Variants in PLPP1 observed in about 807,000 individuals in gnomAD.
The protein encoded by PLPP1 is lipid phosphate phosphohydrolase 1a.
PLPP1 carries 24 observed loss-of-function variants against 31.2 expected under a neutral mutation model. The ratio of observed to expected loss-of-function variants is 0.77; its 90% CI spans 0.56 to 1.08. PLPP1 has a LOEUF of 1.08. Ranked by LOEUF, PLPP1 falls within the 50% of genes least tolerant of loss-of-function variation. The pLI, the probability that PLPP1 is intolerant of heterozygous loss-of-function variation, is 0.00. For missense variants in PLPP1, 319 were observed against 342.7 expected (o/e 0.93, Z 0.55); for synonymous variants, 146 against 126.3 (o/e 1.16, Z -1.05).
chr5:55,487,402 G>A (rs1348812246), intron 1 of PLPP1, among the ~76,000 whole-genome samples: 6 of 149,424 alleles, frequency 4.0e-5, no homozygotes, highest in Non-Finnish European at 8.9e-5. Context: ...AAAAAGTCTG[G>A]TGTCAAATCT....
At chr5:55,432,426 C>CAATAATA (rs1751380801) in intron 4 of PLPP1, among the ~76,000 whole-genome samples, 1 of 152,048 alleles carries the variant, frequency 6.6e-6, no homozygotes, top group Non-Finnish European at 1.5e-5. Context: ...AATCCAGGAC[C>CAATAATA]AAATGGCTTT....
At chr5:55,493,701 C>T (rs547617982) in intron 1 of PLPP1, among the ~76,000 whole-genome samples, 1 of 152,134 alleles carries the variant, frequency 6.6e-6, no homozygotes, top group Non-Finnish European at 1.5e-5. Context: ...TCCTGGCTAA[C>T]ACAGTGAAAC....
intron 1 of PLPP1, among the ~76,000 whole-genome samples, chr5:55,533,985 GTCTGGGGTACCGCA>G (rs1306772141): frequency 6.6e-6 from 1 of 152,136 alleles, no homozygotes; most frequent in Non-Finnish European, 1.5e-5. Context: ...AAGGAAACAG[GTCTGGGGTACCGCA>G]TCCTCCCCCA....
chr5:55,452,269 T>C (rs543940234), intron 3 of PLPP1, among the ~76,000 whole-genome samples: 7 of 152,248 alleles, frequency 4.6e-5, no homozygotes, highest in African/African-American at 1.4e-4. Context: ...ATCCCCTTGG[T>C]GATGAGTGAG....
intron 3 of PLPP1, among the ~76,000 whole-genome samples, chr5:55,463,553 C>G (rs1246053888): frequency 1.3e-5 from 2 of 151,574 alleles, no homozygotes; most frequent in Non-Finnish European, 2.9e-5. Flanking sequence ...CCCAGCTACT[C>G]AAGACGCTGA....
At chr5:55,517,947 A>T (rs1467827907) in intron 1 of PLPP1, among the ~76,000 whole-genome samples, 1 of 152,216 alleles carries the variant, frequency 6.6e-6, no homozygotes, top group African/African-American at 2.4e-5. Flanking sequence ...TCCCAGTACA[A>T]GTCATTCTCC....
chr5:55,493,531 C>A (rs1254913850), intron 1 of PLPP1, among the ~76,000 whole-genome samples: 1 of 151,832 alleles, frequency 6.6e-6, no homozygotes, highest in Non-Finnish European at 1.5e-5. Context: ...TCACTTGAGG[C>A]CAGAAGTTCA....
chr5:55,485,640 A>C (rs564661416), intron 1 of PLPP1, among the ~76,000 whole-genome samples: 5 of 152,320 alleles, frequency 3.3e-5, no homozygotes, highest in African/African-American at 7.2e-5. Context: ...AAATAAAAAT[A>C]GGCTTCCTTA....
chr5:55,513,852 G>T (rs528171462), intron 1 of PLPP1, among the ~76,000 whole-genome samples: 83 of 152,122 alleles, frequency 5.5e-4, no homozygotes, highest in African/African-American at 1.9e-3. Context: ...CTTAAACATA[G>T]GAGGTCAAGG....
At chr5:55,490,152 T>TC (rs1752857808) in intron 1 of PLPP1, among the ~76,000 whole-genome samples, 1 of 143,690 alleles carries the variant, frequency 7.0e-6, no homozygotes, top group Non-Finnish European at 1.5e-5. Flanking sequence ...TTCTTTTTTT[T>TC]TTTTTTTTTT....
intron 3 of PLPP1, among the ~76,000 whole-genome samples, chr5:55,447,464 G>C (rs1751791082): frequency 1.3e-5 from 2 of 152,162 alleles, no homozygotes; most frequent in South Asian, 4.1e-4. Context: ...ACTTATAATT[G>C]TTACAAGTTA....
intron 1 of PLPP1, among the ~76,000 whole-genome samples, chr5:55,531,425 T>C (rs1358441105): frequency 1.3e-5 from 2 of 152,222 alleles, no homozygotes; most frequent in African/African-American, 4.8e-5. Flanking sequence ...TATAAAGTAG[T>C]TGTACAACAG....
chr5:55,440,482 A>G (rs1446958848), intron 4 of PLPP1, among the ~76,000 whole-genome samples: 1 of 152,264 alleles, frequency 6.6e-6, no homozygotes, highest in Non-Finnish European at 1.5e-5. Flanking sequence ...AGATGTCAGA[A>G]TAGTATTTTC....
At chr5:55,503,735 T>C (rs13157042) in intron 1 of PLPP1, among the ~76,000 whole-genome samples, 126,260 of 144,930 alleles carry the variant, frequency 0.87, 55,103 homozygotes, top group South Asian at 0.92. Flanking sequence ...GCAGAGGTCG[T>C]GCCACTGCAC....
At chr5:55,457,652 A>T (rs1752046767) in intron 3 of PLPP1, among the ~76,000 whole-genome samples, 1 of 152,208 alleles carries the variant, frequency 6.6e-6, no homozygotes, top group Non-Finnish European at 1.5e-5. Flanking sequence ...GCACTCTGGG[A>T]GGCCAAGGTG....
chr5:55,461,088 T>C (rs6450310), intron 3 of PLPP1, among the ~76,000 whole-genome samples: 132,414 of 152,040 alleles, frequency 0.87, 57,912 homozygotes, highest in South Asian at 0.92. Context: ...CTCAGCTACT[T>C]GGGAAGCTAA....
intron 1 of PLPP1, among the ~76,000 whole-genome samples, chr5:55,506,415 C>T (rs372234937): frequency 2.0e-5 from 3 of 152,118 alleles, no homozygotes; most frequent in Non-Finnish European, 2.9e-5. Flanking sequence ...GAAACCAAAA[C>T]TTTAACAAAA....
In PLPP1 at chr5:55,530,607, T is replaced by C. The variant is rs186541929; in HGVS notation, c.58+3965A>G. On this transcript the variant is annotated intron_variant, in intron 1 of 5. Transcript: ENST00000307259. Reference sequence around the variant, plus strand: ...AGATTTGCAATGAAGTCTCATGCGATAGAATTTAATCTGTTTTGCACAGCA... The same window carrying C: ...AGATTTGCAATGAAGTCTCATGCGACAGAATTTAATCTGTTTTGCACAGCA... The C allele has an allele frequency of 1.8e-5, 26 of 1,474,090 alleles. No individual in the cohort carries two copies. The East Asian group carries it at 4.3e-4, about 24-fold the overall frequency. 91.3% of individuals were successfully genotyped at this position (1,474,090 alleles called of 1,614,324 possible). A position where few individuals can be genotyped will look rare whatever the true frequency, so the allele number is the denominator to read the frequency against.
chr5:55,502,729 A>G (rs1464405572), intron 1 of PLPP1, among the ~76,000 whole-genome samples: 1 of 152,214 alleles, frequency 6.6e-6, no homozygotes, highest in Non-Finnish European at 1.5e-5. Context: ...TCCAAAACAT[A>G]TTAACACAAG....
Sources: gnomAD v4.1 joint callset for allele counts (sites outside exome capture counted in the v4.1 genomes callset) on GRCh38, gnomAD v4.1.1 for gene constraint, MANE v1.5 for transcripts, NCBI Gene and HGNC (gene_info 2026-07-23, HGNC 2026-07-21) for gene names.